TAMM41: variants seen among roughly 807,000 people sequenced by gnomAD.
TAMM41 encodes the protein TAM41 mitochondrial translocator assembly and maintenance homolog.
In TAMM41, 36 loss-of-function variants were observed where a neutral mutation model predicts 44.1. The ratio of observed to expected loss-of-function variants is 0.82; its 90% CI spans 0.63 to 1.08. The LOEUF (loss-of-function observed/expected upper bound fraction) is 1.08. Ranked by LOEUF, TAMM41 falls within the 50% of genes least tolerant of loss-of-function variation. The pLI is 0.00. For synonymous variants in TAMM41, 164 were observed against 153.1 expected (o/e 1.07, Z -0.53); for missense variants, 417 against 404.3 (o/e 1.03, Z -0.27).
At chr3:11,799,504 C>G (rs551154834) in intron 7 of TAMM41, among the ~76,000 whole-genome samples, 99 of 152,312 alleles carry the variant, frequency 6.5e-4, no homozygotes, top group African/African-American at 2.3e-3. Flanking sequence ...GGCCATTTAA[C>G]CCACAGAATC....
intron 3 of TAMM41, among the ~76,000 whole-genome samples, chr3:11,831,346 C>T (rs1014275914): frequency 2.0e-4 from 31 of 152,166 alleles, no homozygotes; most frequent in African/African-American, 6.8e-4. Flanking sequence ...AAGGTGCATA[C>T]TTAGCACTGT....
At chr3:11,728,386 C>T in the TAMM41 span, among the ~76,000 whole-genome samples, 3 of 152,206 alleles carry the variant, frequency 2.0e-5, no homozygotes, top group African/African-American at 7.2e-5. Context: ...CTCTACTGCT[C>T]AGAAATATGG....
chr3:11,809,872 C>A, intron 5 of TAMM41, 190 bp from the exon 6 acceptor site: 5 of 498,638 alleles, frequency 1.0e-5, no homozygotes, highest in Non-Finnish European at 1.0e-5. Context: ...TAAGTCCCTT[C>A]AAAAAGGACA....
chr3:11,823,276 GA>G (rs1301832315), intron 4 of TAMM41, among the ~76,000 whole-genome samples: 9 of 130,590 alleles, frequency 6.9e-5, no homozygotes, highest in African/African-American at 2.6e-4. Flanking sequence ...TTTTTTTTGA[GA>G]CAGAGTCCTG....
At chr3:11,776,815 C>T in the TAMM41 span, among the ~76,000 whole-genome samples, 28 of 152,186 alleles carry the variant, frequency 1.8e-4, no homozygotes, top group African/African-American at 6.8e-4. Flanking sequence ...AACATTATTT[C>T]ACCATAAAAG....
the TAMM41 span, among the ~76,000 whole-genome samples, chr3:11,732,472 G>A: frequency 6.6e-6 from 1 of 152,204 alleles, no homozygotes; most frequent in African/African-American, 2.4e-5. Context: ...AGGTGTTGGG[G>A]AAGAGGTGGG....
At chr3:11,802,525 A>G (rs2077783671) in intron 7 of TAMM41, among the ~76,000 whole-genome samples, 1 of 152,234 alleles carries the variant, frequency 6.6e-6, no homozygotes, top group Admixed American at 6.5e-5. Flanking sequence ...TGAAAAGATC[A>G]GTAATGTAGT....
At chr3:11,786,313 A>ATTT (rs1284094205), downstream of TAMM41, among the ~76,000 whole-genome samples, 5 of 125,836 alleles carry the variant, frequency 4.0e-5, no homozygotes, top group African/African-American at 9.2e-5. Context: ...TATTATTATT[A>ATTT]TTATTTTTTG....
chr3:11,827,011 T>C (rs114443667), intron 4 of TAMM41, among the ~76,000 whole-genome samples: 2,330 of 152,326 alleles, frequency 0.015, 29 homozygotes, highest in Non-Finnish European at 0.023. Context: ...TTCTTGCCTT[T>C]TTCACACGTG....
chr3:11,804,774 A>C (rs1403773922), intron 7 of TAMM41, among the ~76,000 whole-genome samples: 1 of 152,182 alleles, frequency 6.6e-6, no homozygotes, highest in Non-Finnish European at 1.5e-5. Context: ...AAAGCCATGC[A>C]CCCAAATGGT....
chr3:11,743,580 G>A, the TAMM41 span, among the ~76,000 whole-genome samples: 1 of 152,204 alleles, frequency 6.6e-6, no homozygotes, highest in African/African-American at 2.4e-5. Flanking sequence ...TGATCCACCT[G>A]CCTCGACCTC....
At chr3:11,804,062 G>A (rs905046898) in intron 7 of TAMM41, among the ~76,000 whole-genome samples, 2 of 152,042 alleles carry the variant, frequency 1.3e-5, no homozygotes, top group Non-Finnish European at 2.9e-5. Flanking sequence ...TTCCTTAAAC[G>A]TTTTAAAAAT....
At chr3:11,751,437 T>C in the TAMM41 span, among the ~76,000 whole-genome samples, 1 of 152,166 alleles carries the variant, frequency 6.6e-6, no homozygotes, top group Non-Finnish European at 1.5e-5. Flanking sequence ...TGGACATCCT[T>C]AGCTCTGATT....
intron 5 of TAMM41, among the ~76,000 whole-genome samples, chr3:11,812,423 G>A (rs7638269): frequency 0.15 from 22,473 of 151,970 alleles, 3,585 homozygotes; most frequent in East Asian, 0.48. Context: ...TCACCATTAC[G>A]CTGTACTATA....
At chr3:11,779,927 CA>C in the TAMM41 span, among the ~76,000 whole-genome samples, 1 of 152,174 alleles carries the variant, frequency 6.6e-6, no homozygotes, top group Non-Finnish European at 1.5e-5. Flanking sequence ...GGAGCCTTGG[CA>C]AGCCCTTCTC....
chr3:11,809,742 CA>C lies in TAMM41; in HGVS notation c.709-61del, dbSNP rs2078031398. On this transcript the variant is annotated intron_variant, in intron 5 of 7. Transcript: ENST00000455809. Reference sequence around the variant, plus strand: ...AGTGCTTTAAATCCTACAAATACTCCAAAACTCAGGGCTTCTCTTTAAAAAT... The same window carrying C: ...AGTGCTTTAAATCCTACAAATACTCCAAACTCAGGGCTTCTCTTTAAAAAT... 2.6e-6 allele frequency: 4 copies of C among 1,528,670 alleles called. No homozygotes were observed. In the South Asian group the frequency reaches 4.9e-5, roughly 19 times the overall value. 94.7% of individuals were successfully genotyped at this position (1,528,670 alleles called of 1,614,324 possible).
At chr3:11,817,421 G>T in intron 4 of TAMM41, 84 bp from the exon 5 acceptor site, 1 of 1,386,416 alleles carries the variant, frequency 7.2e-7, no homozygotes. Context: ...CACTGATACC[G>T]CACGGGTTCA....
At chr3:11,735,059 A>C in the TAMM41 span, among the ~76,000 whole-genome samples, 2 of 151,210 alleles carry the variant, frequency 1.3e-5, no homozygotes, top group African/African-American at 4.9e-5. Context: ...AAAAAAAAAA[A>C]AAACAAAAAG....
chr3:11,722,626 A>T, the TAMM41 span, among the ~76,000 whole-genome samples: 1 of 152,184 alleles, frequency 6.6e-6, no homozygotes, highest in Non-Finnish European at 1.5e-5. Context: ...TATAAAAAAT[A>T]AGTCAGGGCC....
Sources: allele counts gnomAD v4.1 joint callset (sites outside exome capture counted in the v4.1 genomes callset), GRCh38; gene constraint gnomAD v4.1.1; transcripts MANE v1.5; gene names NCBI Gene and HGNC (gene_info 2026-07-23, HGNC 2026-07-21).